Variants in SLC5A1 observed in about 807,000 individuals in gnomAD.
SLC5A1 encodes the protein solute carrier family 5 member 1.
A neutral mutation model predicts 73.5 loss-of-function variants in SLC5A1; 42 were observed. The observed-to-expected ratio is 0.57, with a 90% CI of 0.45 to 0.74. The LOEUF (loss-of-function observed/expected upper bound fraction) is 0.74. SLC5A1 is among the 30% of genes least tolerant of loss of function. SLC5A1 has a pLI of 0.00. For missense variants in SLC5A1, 634 were observed against 855.4 expected, an observed-to-expected ratio of 0.74 and a Z score of 3.23; for synonymous variants, 300 against 317.4, an observed-to-expected ratio of 0.95 and a Z score of 0.58.
chr22:32,082,956 C>T (rs1444272273), intron 6 of SLC5A1, 118 bp from the exon 7 acceptor site: 1 of 861,890 alleles, frequency 1.2e-6, no homozygotes, highest in African/African-American at 1.8e-5. Context: ...GCAGGCAAAC[C>T]ACTGTGGGGA....
At chr22:32,102,537 G>C (rs927096053) in intron 13 of SLC5A1, among the ~76,000 whole-genome samples, 4 of 152,092 alleles carry the variant, frequency 2.6e-5, no homozygotes, top group African/African-American at 9.7e-5. Context: ...GGAGGCCAAG[G>C]TGGGAGGATC....
intron 13 of SLC5A1, 94 bp downstream of exon 13, chr22:32,102,331 A>C (rs2094038075): frequency 1.2e-6 from 1 of 864,272 alleles, no homozygotes. Context: ...TGGGTACATA[A>C]TAGTTGTATA....
At chr22:32,087,507 A>G (rs889075554) in intron 10 of SLC5A1, among the ~76,000 whole-genome samples, 4 of 152,144 alleles carry the variant, frequency 2.6e-5, no homozygotes, top group African/African-American at 9.7e-5. Flanking sequence ...GAAAGAGGCA[A>G]GATTTCAGCT....
intron 5 of SLC5A1, among the ~76,000 whole-genome samples, chr22:32,071,122 A>T (rs1487575759): frequency 1.3e-5 from 2 of 152,136 alleles, no homozygotes; most frequent in Non-Finnish European, 2.9e-5. Flanking sequence ...CAGTGAATTT[A>T]TCTGAAAACA....
chr22:32,046,161 G>A (rs990184644), intron 1 of SLC5A1, among the ~76,000 whole-genome samples: 7 of 152,152 alleles, frequency 4.6e-5, no homozygotes, highest in African/African-American at 9.7e-5. Flanking sequence ...GATGAGGATC[G>A]GAGAGGGTGA....
At chr22:32,092,645 G>A (rs1207628184) in intron 11 of SLC5A1, among the ~76,000 whole-genome samples, 1 of 152,046 alleles carries the variant, frequency 6.6e-6, no homozygotes, top group Non-Finnish European at 1.5e-5. Flanking sequence ...CATTCTTGGA[G>A]TAAGGTGATT....
intron 1 of SLC5A1, among the ~76,000 whole-genome samples, chr22:32,048,092 C>T (rs554789351): frequency 6.8e-6 from 1 of 147,194 alleles, no homozygotes; most frequent in African/African-American, 2.5e-5. Context: ...GCAGAGGTTG[C>T]AGTGAGCTGA....
chr22:32,100,248 T>C (rs1053213921), intron 12 of SLC5A1, among the ~76,000 whole-genome samples: 5 of 152,218 alleles, frequency 3.3e-5, no homozygotes, highest in Admixed American at 3.3e-4. Flanking sequence ...GTGGAATCTT[T>C]AGGTTTTTCT....
At chr22:32,049,277 G>C (rs935736500) in intron 1 of SLC5A1, among the ~76,000 whole-genome samples, 2 of 147,842 alleles carry the variant, frequency 1.4e-5, no homozygotes, top group Non-Finnish European at 3.0e-5. Flanking sequence ...AGAGAGGAAA[G>C]ACTTGAATTT....
intron 11 of SLC5A1, among the ~76,000 whole-genome samples, chr22:32,098,296 A>G (rs920570816): frequency 6.6e-6 from 1 of 152,222 alleles, no homozygotes; most frequent in Non-Finnish European, 1.5e-5. Context: ...ACACATGATC[A>G]TATATGGTCT....
chr22:32,064,889 G>T (rs2093970174), intron 2 of SLC5A1, among the ~76,000 whole-genome samples: 1 of 152,048 alleles, frequency 6.6e-6, no homozygotes, highest in African/African-American at 2.4e-5. Flanking sequence ...AGCAAATTAG[G>T]TCCTGTCCCT....
At chr22:32,059,201 T>G (rs1261717874) in intron 2 of SLC5A1, 1 of 985,168 alleles carries the variant, frequency 1.0e-6, no homozygotes, top group African/African-American at 1.7e-5. Context: ...ACTGCACTCC[T>G]GCCTGGGCGA....
At chr22:32,103,611 C>T (rs2094040172) in intron 13 of SLC5A1, among the ~76,000 whole-genome samples, 1 of 152,222 alleles carries the variant, frequency 6.6e-6, no homozygotes, top group Non-Finnish European at 1.5e-5. Flanking sequence ...CAAATAGAAA[C>T]TGGTATTTCT....
At chr22:32,094,942 A>C (rs1017024086) in intron 11 of SLC5A1, among the ~76,000 whole-genome samples, 1 of 151,452 alleles carries the variant, frequency 6.6e-6, no homozygotes. Context: ...TAGATTGTCT[A>C]TTGTGCTCTT....
At chr22:32,085,879 C>T (rs948536978) in intron 9 of SLC5A1, among the ~76,000 whole-genome samples, 4 of 152,222 alleles carry the variant, frequency 2.6e-5, no homozygotes, top group Middle Eastern at 6.8e-3. Context: ...CGGTGGCTCA[C>T]GCCTGTAATC....
intron 8 of SLC5A1, 87 bp from the exon 9 acceptor site, chr22:32,084,813 A>G: frequency 6.3e-7 from 1 of 1,591,272 alleles, no homozygotes; most frequent in Non-Finnish European, 8.6e-7. Flanking sequence ...TGCCAGGCCA[A>G]TGACCCAAGA....
At position 32,074,529 on chromosome 22, in the gene SLC5A1, C is replaced by A. The variant is rs556258355; in HGVS notation, c.477+5929C>A. On this transcript the variant is annotated intron_variant, in intron 5 of 14. Coordinates refer to ENST00000266088, the MANE Select transcript of SLC5A1 (RefSeq NM_000343.4). ...TTTCTCTTCTTGGACAGATGCACTG[C>A]CCTCCCTCAGGAAGCTGAAGCCTGA... Among the ~76,000 whole-genome samples, 28 of 152,288 alleles carry A rather than the reference C, an allele frequency of 1.8e-4. No homozygotes were observed. The South Asian group carries it at 4.1e-3, about 23-fold the overall frequency.
At chr22:32,107,648 AC>A (rs2094048710) in intron 14 of SLC5A1, among the ~76,000 whole-genome samples, 1 of 152,182 alleles carries the variant, frequency 6.6e-6, no homozygotes, top group South Asian at 2.1e-4. Context: ...CAGTATGTGT[AC>A]ATCTGTCAAG....
rs557872873 is a variant in SLC5A1 at position 32,043,700 on chromosome 22, A to G, written c.135+284A>G. Reference sequence around the variant, plus strand: ...GGTGGGGGTTTGAAGAGACCGCTGGAAAGTGTAAGGGGCAGGAAAGCGGCT... The same window carrying G: ...GGTGGGGGTTTGAAGAGACCGCTGGGAAGTGTAAGGGGCAGGAAAGCGGCT... On this transcript the variant is annotated intron_variant, in intron 1 of 14. Transcript: ENST00000266088. This position sits in a 1 kb window ranked among gnomAD's most constrained non-coding sequence, Gnocchi z 6.5. 5.0e-4 allele frequency among the ~76,000 whole-genome samples: 76 copies of G among 152,304 alleles called. 2 individuals are homozygous for G. The South Asian group carries it at 0.015, about 30-fold the overall frequency.
Sources: allele counts gnomAD v4.1 joint callset (sites outside exome capture counted in the v4.1 genomes callset), GRCh38; gene constraint gnomAD v4.1.1; non-coding constraint Gnocchi (gnomAD v3.1); transcripts MANE v1.5; gene names NCBI Gene and HGNC (gene_info 2026-07-23, HGNC 2026-07-21).